SLC43A2: variants seen among roughly 807,000 people sequenced by gnomAD.
SLC43A2 encodes solute carrier family 43 member 2, also known as large neutral amino acids transporter small subunit 4.
A neutral mutation model predicts 63.2 loss-of-function variants in SLC43A2; 38 were observed. That is an observed-to-expected ratio of 0.60 (90% CI 0.46 to 0.79). The LOEUF (loss-of-function observed/expected upper bound fraction) is 0.79. Among genes scored for constraint, SLC43A2 ranks in the 30% least tolerant of loss-of-function variants. The pLI is 0.00. For missense variants in SLC43A2, 644 were observed against 756.2 expected, an observed-to-expected ratio of 0.85 and a Z score of 1.74; for synonymous variants, 322 against 331.0, an observed-to-expected ratio of 0.97 and a Z score of 0.30.
intron 2 of SLC43A2, among the ~76,000 whole-genome samples, chr17:1,621,678 C>T (rs1192881369): frequency 1.3e-5 from 2 of 152,170 alleles, no homozygotes; most frequent in South Asian, 4.1e-4. Context: ...CCACGCCCAC[C>T]CCATATTCCC....
chr17:1,581,288 A>C (rs1328807163), intron 11 of SLC43A2, among the ~76,000 whole-genome samples: 1 of 151,902 alleles, frequency 6.6e-6, no homozygotes, highest in African/African-American at 2.4e-5. Context: ...TTTCAGTGAG[A>C]CCTACATAAA....
intron 5 of SLC43A2, chr17:1,603,332 C>T (rs1906255181): frequency 1.3e-5 from 2 of 152,098 alleles, no homozygotes; most frequent in Admixed American, 1.3e-4. Flanking sequence ...GTTGTGACCA[C>T]ACATTGACTG....
intron 13 of SLC43A2, 42 bp downstream of exon 13, chr17:1,576,555 G>T: frequency 6.4e-7 from 1 of 1,563,372 alleles, no homozygotes; most frequent in South Asian, 1.1e-5. Context: ...TTAGCAGAAG[G>T]GGGCAGGCGC....
At chr17:1,595,006 G>A (rs1169288433) in intron 5 of SLC43A2, among the ~76,000 whole-genome samples, 2 of 151,974 alleles carry the variant, frequency 1.3e-5, no homozygotes, top group Non-Finnish European at 2.9e-5. Flanking sequence ...GCGAAACCCT[G>A]CCTCTGTATC....
intron 5 of SLC43A2, among the ~76,000 whole-genome samples, chr17:1,607,083 C>G (rs1251695437): frequency 6.6e-6 from 1 of 152,042 alleles, no homozygotes; most frequent in Non-Finnish European, 1.5e-5. Flanking sequence ...ACAGCCCATG[C>G]AGCACAAAGG....
rs1305400723 is a variant in SLC43A2, at chr17:1,583,478, CG to C, written c.1218-143del. On this transcript the variant is annotated intron_variant, in intron 10 of 13. Coordinates refer to ENST00000301335, the MANE Select transcript of SLC43A2 (RefSeq NM_152346.3). The surrounding 1 kb of genome is among the most constrained non-coding windows in gnomAD (Gnocchi z 5.5). ...CCCAGGCACGTTTTAGGGACTGTGT[CG>C]GGGCTGGACCAGCACTACGGACACT... 1.4e-6 allele frequency: 2 copies of C among 1,420,238 alleles called. No individual in the cohort carries two copies. The highest frequency in any genetic ancestry group is 1.4e-5 in the African/African-American group (1 of 70,400). 88.0% of individuals were successfully genotyped at this position (1,420,238 alleles called of 1,614,324 possible). A position where few individuals can be genotyped will look rare whatever the true frequency, so the allele number is the denominator to read the frequency against.
intron 9 of SLC43A2, chr17:1,586,927 A>AGGGGGGCCCCCCCC: frequency 7.4e-7 from 1 of 1,355,942 alleles, no homozygotes; most frequent in Non-Finnish European, 1.0e-6. Flanking sequence ...TTCCCTGACA[A>AGGGGGGCCCCCCCC]TCCCCCCCAC....
At chr17:1,599,163 A>G (rs1905636091) in intron 5 of SLC43A2, among the ~76,000 whole-genome samples, 1 of 151,956 alleles carries the variant, frequency 6.6e-6, no homozygotes. Flanking sequence ...ACATGGTGAA[A>G]CCCCATCTCT....
rs746578009 is a variant in SLC43A2 at position 1,583,461 on chromosome 17, C to G, written c.1218-125G>C. 105 of 1,499,752 alleles carry G rather than the reference C, an allele frequency of 7.0e-5. 1 individual carries two copies. In the Admixed American group the frequency reaches 2.1e-3, roughly 30 times the overall value. The allele number at this position is 1,499,752 out of a possible 1,614,324, so 92.9% of individuals were successfully genotyped here. A position where few individuals can be genotyped will look rare whatever the true frequency, so the allele number is the denominator to read the frequency against. On this transcript the variant is annotated intron_variant, in intron 10 of 13. Coordinates refer to ENST00000301335, the MANE Select transcript of SLC43A2 (RefSeq NM_152346.3). The surrounding 1 kb of genome is among the most constrained non-coding windows in gnomAD (Gnocchi z 5.5). ...GCAAGACTCAGAAGCCACCCAGGCA[C>G]GTTTTAGGGACTGTGTCGGGGCTGG...
chr17:1,590,076 G>A (rs754963233), intron 9 of SLC43A2, among the ~76,000 whole-genome samples: 4 of 152,132 alleles, frequency 2.6e-5, no homozygotes, highest in South Asian at 2.1e-4. Flanking sequence ...GGAAACCATC[G>A]GAAAAAGTGG....
At chr17:1,595,977 G>A (rs371758280) in intron 5 of SLC43A2, among the ~76,000 whole-genome samples, 1 of 152,270 alleles carries the variant, frequency 6.6e-6, no homozygotes, top group African/African-American at 2.4e-5. Context: ...AATGAGTAAG[G>A]GATGTCAGCA....
At chr17:1,582,862 TGAG>T (rs1264624587) in intron 11 of SLC43A2, among the ~76,000 whole-genome samples, 1 of 152,172 alleles carries the variant, frequency 6.6e-6, no homozygotes, top group Non-Finnish European at 1.5e-5. Flanking sequence ...GTGGATCGCC[TGAG>T]GTCAGGAGTT....
intron 5 of SLC43A2, chr17:1,604,874 C>A (rs1385070379): frequency 2.0e-6 from 3 of 1,535,490 alleles, no homozygotes; most frequent in Non-Finnish European, 2.6e-6. Flanking sequence ...TCGCTCACTC[C>A]GTCCCCAGCT....
At chr17:1,595,313 T>A (rs550510036) in intron 5 of SLC43A2, among the ~76,000 whole-genome samples, 2 of 150,040 alleles carry the variant, frequency 1.3e-5, no homozygotes, top group Non-Finnish European at 3.0e-5. Context: ...AGACAGGGTC[T>A]CATTCTGTTG....
chr17:1,615,666 A>AC (rs1270147441), intron 3 of SLC43A2, among the ~76,000 whole-genome samples: 3 of 148,698 alleles, frequency 2.0e-5, no homozygotes, highest in Admixed American at 1.3e-4. Flanking sequence ...ACACAGTGAA[A>AC]CCCCGTCTCT....
rs1442568918 is a variant in SLC43A2 at position 1,605,508 on chromosome 17, C to G, written c.501+7687G>C. ...GCAACCGTGGCACCCCCGGCCCTGA[C>G]TTTCCACATCCACGGACTCCCGAGT... On this transcript the variant is annotated intron_variant, in intron 5 of 13. Transcript: ENST00000301335. This position sits in a 1 kb window ranked among gnomAD's most constrained non-coding sequence, Gnocchi z 4.9. Among the ~76,000 whole-genome samples the G allele has an allele frequency of 6.6e-6, 1 of 151,528 alleles. No homozygotes were observed. The highest frequency in any genetic ancestry group is 1.9e-4 in the East Asian group (1 of 5,140).
chr17:1,626,263 G>C (rs1026483443), intron 2 of SLC43A2, among the ~76,000 whole-genome samples: 3 of 150,476 alleles, frequency 2.0e-5, no homozygotes, highest in African/African-American at 7.4e-5. Flanking sequence ...AGGGGGGAGA[G>C]AGGAAAGGAG....
chr17:1,625,545 A>C (rs1908584608), intron 2 of SLC43A2, among the ~76,000 whole-genome samples: 1 of 152,192 alleles, frequency 6.6e-6, no homozygotes, highest in African/African-American at 2.4e-5. Context: ...GTTAGACTGA[A>C]GCAGAAACCT....
At chr17:1,624,174 C>G (rs1399146272) in intron 2 of SLC43A2, among the ~76,000 whole-genome samples, 1 of 152,260 alleles carries the variant, frequency 6.6e-6, no homozygotes. Context: ...CGGTGGCTCA[C>G]GCCTATAATC....
Sources: allele counts gnomAD v4.1 joint callset (sites outside exome capture counted in the v4.1 genomes callset), GRCh38; gene constraint gnomAD v4.1.1; non-coding constraint Gnocchi (gnomAD v3.1); transcripts MANE v1.5; gene names NCBI Gene and HGNC (gene_info 2026-07-23, HGNC 2026-07-21).